Variants in PADI1 observed in about 807,000 individuals in gnomAD.
PADI1 encodes peptidyl arginine deiminase 1, also known as protein-arginine deiminase type-1.
In PADI1, 65 loss-of-function variants were observed where a neutral mutation model predicts 74.8. The observed-to-expected ratio is 0.87, with a 90% CI of 0.71 to 1.07. The LOEUF is 1.07. Among genes scored for constraint, PADI1 ranks in the 50% least tolerant of loss-of-function variants. PADI1 has a pLI of 0.00. For synonymous variants in PADI1, 371 were observed against 336.2 expected, an observed-to-expected ratio of 1.10 and a Z score of -1.13; for missense variants, 943 against 854.0, an observed-to-expected ratio of 1.10 and a Z score of -1.30.
intron 1 of PADI1, among the ~76,000 whole-genome samples, chr1:17,215,416 C>CATCATT (rs2071950625): frequency 6.6e-6 from 1 of 152,020 alleles, no homozygotes; most frequent in African/African-American, 2.4e-5. Context: ...TCATCATCAT[C>CATCATT]ATTTTCTACC....
At chr1:17,224,579 T>C (rs1028831418) in intron 4 of PADI1, 151 bp downstream of exon 4, 3 of 665,866 alleles carry the variant, frequency 4.5e-6, no homozygotes, top group Admixed American at 2.3e-5. Flanking sequence ...GACAGCAAAA[T>C]TGGCATGAGT....
At chr1:17,226,244 C>T in intron 6 of PADI1, 86 bp downstream of exon 6, 3 of 1,463,038 alleles carry the variant, frequency 2.1e-6, no homozygotes, top group Admixed American at 1.8e-5. Context: ...TTTTCCATCA[C>T]CTTTTTGTAA....
chr1:17,216,281 A>G (rs1160360009), intron 1 of PADI1, among the ~76,000 whole-genome samples: 2 of 152,318 alleles, frequency 1.3e-5, no homozygotes, highest in East Asian at 1.9e-4. Flanking sequence ...GAGGGGAAGC[A>G]GGTCACTGGC....
In PADI1 at chr1:17,245,039, G is replaced by A. The variant is rs1242150431; in HGVS notation, c.*796G>A. The A allele has an allele frequency of 6.4e-6, 1 of 155,918 alleles. No homozygotes were observed. Among genetic ancestry groups the A allele is most frequent in the Non-Finnish European group, 1.4e-5 (1 of 70,362 alleles). The allele number at this position is 155,918 out of a possible 1,614,324, so 9.7% of individuals were successfully genotyped here. A position where few individuals can be genotyped will look rare whatever the true frequency, so the allele number is the denominator to read the frequency against. ...GGGGATGAGGTCAGGGTAGCAGAGT[G>A]TGTGACGACGGATTTGGGGGCCTAG... On this transcript the variant is annotated 3_prime_UTR_variant, in exon 16 of 16. Coordinates refer to ENST00000375471, the MANE Select transcript of PADI1 (RefSeq NM_013358.3). This position sits in a 1 kb window ranked among gnomAD's most constrained non-coding sequence, Gnocchi z 4.1.
chr1:17,235,261 G>GGGAAGGAAGAAAGGAA (rs2072607689), intron 11 of PADI1, among the ~76,000 whole-genome samples: 32 of 72,998 alleles, frequency 4.4e-4, no homozygotes, highest in African/African-American at 1.9e-3. Context: ...GAGGGAGGAA[G>GGGAAGGAAGAAAGGAA]GGAAGGAAGG....
chr1:17,229,381 C>T (rs576475453), intron 8 of PADI1, among the ~76,000 whole-genome samples: 17 of 152,342 alleles, frequency 1.1e-4, no homozygotes, highest in African/African-American at 2.2e-4. Flanking sequence ...TGGTGGCCAT[C>T]GGAGACCTAC....
intron 1 of PADI1, among the ~76,000 whole-genome samples, chr1:17,212,749 A>G (rs542345660): frequency 6.6e-6 from 1 of 152,296 alleles, no homozygotes; most frequent in East Asian, 1.9e-4. Flanking sequence ...ATGACCTCCA[A>G]GGCCCGTCTC....
chr1:17,205,259 T>C lies in PADI1; in HGVS notation c.42T>C (p.Pro14=). 1.9e-6 allele frequency: 3 copies of C among 1,614,088 alleles called. No individual in the cohort carries two copies. The highest frequency in any genetic ancestry group is 2.5e-6 in the Non-Finnish European group (3 of 1,179,986). The change falls in exon 1 of 16, where the codon CCT becomes CCC. Residue 14 remains proline (P), a synonymous_variant. Coordinates refer to ENST00000375471, the MANE Select transcript of PADI1 (RefSeq NM_013358.3). ...TTGTGCAGCTGTCCCTGAAGATGCC[T>C]ACCCATGCCGTGTGTGTGGTGGGAG... The part of the protein sequence containing the change: ...KRVVQLSLKM[P]THAVCVVGVE...
intron 1 of PADI1, among the ~76,000 whole-genome samples, chr1:17,214,286 A>G (rs1397817061): frequency 6.6e-6 from 1 of 152,142 alleles, no homozygotes; most frequent in Non-Finnish European, 1.5e-5. Context: ...ACTTCACTCC[A>G]TGGAAGAGGT....
chr1:17,219,349 C>G (rs72895787), intron 1 of PADI1, among the ~76,000 whole-genome samples: 5 of 152,020 alleles, frequency 3.3e-5, no homozygotes, highest in Non-Finnish European at 7.4e-5. Context: ...AAAGGTCAAG[C>G]GTCCCAGTGG....
chr1:17,220,406 T>C (rs1312616605), intron 1 of PADI1, among the ~76,000 whole-genome samples: 4 of 151,818 alleles, frequency 2.6e-5, no homozygotes, highest in African/African-American at 7.3e-5. Context: ...TTTTTAGGGG[T>C]CCAGGAAAGG....
intron 1 of PADI1, among the ~76,000 whole-genome samples, chr1:17,212,993 A>G (rs964187407): frequency 3.3e-5 from 5 of 152,184 alleles, no homozygotes; most frequent in African/African-American, 1.2e-4. Context: ...ACACTCTCTC[A>G]ACACATTCCT....
intron 1 of PADI1, among the ~76,000 whole-genome samples, chr1:17,206,493 A>G (rs1460010974): frequency 6.6e-6 from 1 of 152,198 alleles, no homozygotes; most frequent in Non-Finnish European, 1.5e-5. Flanking sequence ...CTAGGTGGCC[A>G]GCAGAGACCC....
intron 15 of PADI1, 121 bp downstream of exon 15, chr1:17,240,881 T>C (rs1299800853): frequency 8.9e-7 from 1 of 1,118,102 alleles, no homozygotes; most frequent in Non-Finnish European, 1.3e-6. Context: ...CCAGTGTCTG[T>C]TTTTGTGAAT....
Position 17,237,423 on chromosome 1 carries a change from G to T in PADI1, c.1423G>T (p.Glu475Ter), listed in dbSNP as rs1245873277. The change falls in exon 12 of 16, where the codon GAG becomes TAG. Residue 475 changes from glutamate (E) to a stop codon, truncating the protein, a stop_gained. Coordinates refer to ENST00000375471, the MANE Select transcript of PADI1 (RefSeq NM_013358.3). LOFTEE classifies it high-confidence loss of function. ...SDWLSVGHVD[E>*]FLTFVPTSDQ... Reference sequence around the variant, plus strand: ...CTGGCTCTCTGTGGGCCATGTGGACGAGTTTCTGACCTTTGTGCCTACCTC... The same window carrying T: ...CTGGCTCTCTGTGGGCCATGTGGACTAGTTTCTGACCTTTGTGCCTACCTC... 6.2e-7 allele frequency: 1 copy of T among 1,613,460 alleles called. No homozygotes were observed. Among genetic ancestry groups the T allele is most frequent in the South Asian group, 1.1e-5 (1 of 91,002 alleles).
chr1:17,207,920 G>A (rs2071724442), intron 1 of PADI1, among the ~76,000 whole-genome samples: 1 of 152,360 alleles, frequency 6.6e-6, no homozygotes, highest in Non-Finnish European at 1.5e-5. Flanking sequence ...CTGCTGGCCA[G>A]GTCTGCGATG....
intron 11 of PADI1, among the ~76,000 whole-genome samples, chr1:17,234,628 G>C (rs2072583561): frequency 6.6e-6 from 1 of 152,210 alleles, no homozygotes; most frequent in Non-Finnish European, 1.5e-5. Flanking sequence ...GCTTGGAAAA[G>C]TTAAGTTACG....
intron 1 of PADI1, among the ~76,000 whole-genome samples, chr1:17,213,443 A>G (rs1255615494): frequency 6.6e-6 from 1 of 152,246 alleles, no homozygotes; most frequent in African/African-American, 2.4e-5. Flanking sequence ...GTTTCTTTGC[A>G]GTCGGCTTCA....
chr1:17,230,195 A>T lies in PADI1; in HGVS notation c.1040A>T (p.Asp347Val). Reference sequence around the variant, plus strand: ...TGCCCTCAAGTTGAAAATCGAAATGACCGCTGGATCCAGGTGGGAGCTGGG... The same window carrying T: ...TGCCCTCAAGTTGAAAATCGAAATGTCCGCTGGATCCAGGTGGGAGCTGGG... ...TICPQVENRN[D>V]RWIQDEMEFG... The change falls in exon 9 of 16, where the codon GAC (aspartate) becomes GTC (valine). Residue 347 changes from aspartate (D) to valine (V), a missense_variant. By Grantham distance (152) the Asp-to-Val change is radical (BLOSUM62 -3). Coordinates refer to ENST00000375471, the MANE Select transcript of PADI1 (RefSeq NM_013358.3). The T allele has an allele frequency of 2.5e-6, 4 of 1,613,940 alleles. No homozygotes were observed. The highest frequency in any genetic ancestry group is 3.4e-6 in the Non-Finnish European group (4 of 1,179,924).
Sources: gnomAD v4.1 joint callset for allele counts (sites outside exome capture counted in the v4.1 genomes callset) on GRCh38, gnomAD v4.1.1 for gene constraint, Gnocchi (gnomAD v3.1) non-coding constraint, MANE v1.5 for transcripts, NCBI Gene and HGNC (gene_info 2026-07-23, HGNC 2026-07-21) for gene names.